The following PLPPR1 variants were observed in gnomAD, a reference collection of about 807,000 sequenced individuals.
The protein encoded by PLPPR1 is phospholipid phosphatase related 1.
In PLPPR1, 10 loss-of-function variants were observed where a neutral mutation model predicts 33.1. The observed-to-expected ratio is 0.30, with a 90% CI of 0.19 to 0.51. The LOEUF is 0.51. PLPPR1 is among the 20% of genes least tolerant of loss of function. PLPPR1 has a pLI of 0.97. For missense variants in PLPPR1, 304 were observed against 408.1 expected (o/e 0.74, Z 2.20); for synonymous variants, 151 against 151.0 (o/e 1.00, Z 0.00).
chr9:101,197,941 A>G (rs1826428134), intron 2 of PLPPR1, among the ~76,000 whole-genome samples: 1 of 152,204 alleles, frequency 6.6e-6, no homozygotes, highest in Admixed American at 6.5e-5. Flanking sequence ...AATTGTTTTT[A>G]CAAGACATTC....
chr9:101,068,340 G>A (rs1356274476), intron 1 of PLPPR1, among the ~76,000 whole-genome samples: 1 of 152,082 alleles, frequency 6.6e-6, no homozygotes, highest in Non-Finnish European at 1.5e-5. Context: ...TGTATTGATG[G>A]AAGCCCGAGG....
At chr9:101,154,957 C>G (rs1430958681) in intron 1 of PLPPR1, among the ~76,000 whole-genome samples, 2 of 110,444 alleles carry the variant, frequency 1.8e-5, no homozygotes, top group East Asian at 2.6e-4. Context: ...ACTGGGGCCT[C>G]TCATGGGGTG....
chr9:101,150,877 T>G (rs1753734699), intron 1 of PLPPR1, among the ~76,000 whole-genome samples: 1 of 152,076 alleles, frequency 6.6e-6, no homozygotes, highest in Non-Finnish European at 1.5e-5. Flanking sequence ...AACATGCCTT[T>G]AAGGGCAGTG....
At chr9:101,279,818 A>C (rs1300316747) in intron 3 of PLPPR1, among the ~76,000 whole-genome samples, 2 of 152,166 alleles carry the variant, frequency 1.3e-5, no homozygotes, top group Admixed American at 6.5e-5. Context: ...AAGCAGTACT[A>C]AGAGGGAATT....
At chr9:101,279,603 T>C (rs534852923) in intron 3 of PLPPR1, among the ~76,000 whole-genome samples, 6 of 152,118 alleles carry the variant, frequency 3.9e-5, no homozygotes, top group African/African-American at 1.4e-4. Flanking sequence ...ATTCAAAAAA[T>C]AGTCATATCA....
intron 1 of PLPPR1, among the ~76,000 whole-genome samples, chr9:101,040,982 C>T (rs530068977): frequency 1.6e-4 from 24 of 152,196 alleles, no homozygotes; most frequent in African/African-American, 5.1e-4. Context: ...AGGTCTGAAA[C>T]GCAGGAGAGC....
At chr9:101,163,358 A>C (rs1825798955) in intron 1 of PLPPR1, among the ~76,000 whole-genome samples, 2 of 152,230 alleles carry the variant, frequency 1.3e-5, no homozygotes, top group African/African-American at 4.8e-5. Flanking sequence ...TAAACAGTAC[A>C]CACATCAAAA....
intron 2 of PLPPR1, among the ~76,000 whole-genome samples, chr9:101,251,717 C>T (rs1408590867): frequency 6.6e-6 from 1 of 151,832 alleles, no homozygotes; most frequent in Non-Finnish European, 1.5e-5. Flanking sequence ...CTCTCATGTT[C>T]ATCAAGACTT....
intron 1 of PLPPR1, among the ~76,000 whole-genome samples, chr9:101,050,712 AC>A (rs1319474301): frequency 6.6e-6 from 1 of 152,208 alleles, no homozygotes; most frequent in Non-Finnish European, 1.5e-5. Context: ...CCAAATTGAT[AC>A]AAAACATTTA....
At chr9:101,266,005 A>G (rs903108809) in intron 2 of PLPPR1, among the ~76,000 whole-genome samples, 6 of 151,806 alleles carry the variant, frequency 4.0e-5, no homozygotes, top group Admixed American at 3.3e-4. Flanking sequence ...CAAAAAAAAA[A>G]GGTCACAGGA....
chr9:101,061,661 A>G (rs374617849), intron 1 of PLPPR1, among the ~76,000 whole-genome samples: 6 of 152,068 alleles, frequency 3.9e-5, no homozygotes, highest in East Asian at 3.9e-4. Context: ...AATTGTCCCT[A>G]GTCTGTATTC....
intron 1 of PLPPR1, among the ~76,000 whole-genome samples, chr9:101,174,758 A>T (rs1343352689): frequency 1.3e-5 from 2 of 152,224 alleles, no homozygotes; most frequent in Admixed American, 1.3e-4. Flanking sequence ...GGAGCACGTG[A>T]GGTAGCATTG....
At chr9:101,316,982 A>G (rs1014075956) in intron 6 of PLPPR1, among the ~76,000 whole-genome samples, 2 of 152,044 alleles carry the variant, frequency 1.3e-5, no homozygotes, top group Non-Finnish European at 2.9e-5. Flanking sequence ...CCCTTATGAA[A>G]TTGTTGGGTG....
chr9:101,066,299 C>A (rs1011737998), intron 1 of PLPPR1, among the ~76,000 whole-genome samples: 1 of 152,000 alleles, frequency 6.6e-6, no homozygotes, highest in African/African-American at 2.4e-5. Context: ...TGTGACTTAT[C>A]AGTATTGATG....
At chr9:101,238,185 CCCTATATATATACCCTATATATATA>C (rs1244512575) in intron 2 of PLPPR1, among the ~76,000 whole-genome samples, 88 of 133,386 alleles carry the variant, frequency 6.6e-4, no homozygotes, top group African/African-American at 2.3e-3. Context: ...TATATATATG[CCCTATATATATACCCTATATATATA>C]CCTATATATA....
chr9:101,220,214 A>C (rs1198596507), intron 2 of PLPPR1, among the ~76,000 whole-genome samples: 10 of 152,174 alleles, frequency 6.6e-5, no homozygotes, highest in Non-Finnish European at 1.5e-4. Flanking sequence ...GAGGGGCAAA[A>C]TTGCTTCAAT....
intron 1 of PLPPR1, among the ~76,000 whole-genome samples, chr9:101,033,144 T>C (rs1196176050): frequency 6.6e-6 from 1 of 152,170 alleles, no homozygotes; most frequent in East Asian, 1.9e-4. Context: ...GGTCCCTTAC[T>C]GAACCAAGCC....
intron 3 of PLPPR1, among the ~76,000 whole-genome samples, chr9:101,272,761 A>C (rs978125403): frequency 2.6e-5 from 4 of 152,228 alleles, no homozygotes; most frequent in African/African-American, 9.6e-5. Flanking sequence ...TAAAATTGGC[A>C]AATGTTTTCA....
intron 1 of PLPPR1, among the ~76,000 whole-genome samples, chr9:101,069,732 A>G (rs1042509266): frequency 3.3e-5 from 5 of 152,222 alleles, no homozygotes; most frequent in African/African-American, 1.2e-4. Context: ...GACTGGCAAC[A>G]CTTACGTCCC....
Sources: gnomAD v4.1 joint callset for allele counts (sites outside exome capture counted in the v4.1 genomes callset) on GRCh38, gnomAD v4.1.1 for gene constraint, MANE v1.5 for transcripts, NCBI Gene and HGNC (gene_info 2026-07-23, HGNC 2026-07-21) for gene names.